The following CDH13 variants were observed in gnomAD, a reference collection of about 807,000 sequenced individuals.
CDH13 encodes cadherin-13.
CDH13 carries 24 observed loss-of-function variants against 63.8 expected under a neutral mutation model. The observed-to-expected ratio is 0.38, with a 90% CI of 0.27 to 0.53. The LOEUF (loss-of-function observed/expected upper bound fraction) is 0.53, where lower values mean the gene tolerates loss of function less well. CDH13 is among the 20% of genes least tolerant of loss of function. The probability of loss-of-function intolerance (pLI) is 0.85; values close to 1 mark genes in which losing one functional copy is unlikely to be tolerated. For missense variants in CDH13, 1,049 were observed against 903.1 expected (o/e 1.16, Z -2.07); for synonymous variants, 503 against 355.3 (o/e 1.42, Z -4.67).
chr16:82,821,085 T>C (rs725516), intron 1 of CDH13, among the ~76,000 whole-genome samples: 38,005 of 151,938 alleles, frequency 0.25, 6,094 homozygotes, highest in East Asian at 0.74. Flanking sequence ...TGGGCTCCTG[T>C]GGAAGCTTGC....
At chr16:83,103,708 C>G (rs1005041060) in intron 3 of CDH13, among the ~76,000 whole-genome samples, 5 of 152,162 alleles carry the variant, frequency 3.3e-5, no homozygotes, top group Admixed American at 2.6e-4. Flanking sequence ...TCCTGTGCCT[C>G]ACTTTCCTCA....
intron 1 of CDH13, among the ~76,000 whole-genome samples, chr16:82,847,568 G>C (rs2039313360): frequency 6.6e-6 from 1 of 152,080 alleles, no homozygotes; most frequent in Non-Finnish European, 1.5e-5. Context: ...TTGGGTTTAC[G>C]TGATTACATA....
intron 5 of CDH13, among the ~76,000 whole-genome samples, chr16:83,273,755 A>C (rs557087782): frequency 6.6e-6 from 1 of 152,210 alleles, no homozygotes; most frequent in Non-Finnish European, 1.5e-5. Context: ...GGGCATTTCA[A>C]TACTACATAG....
chr16:82,756,589 G>C (rs1597484648), intron 1 of CDH13, among the ~76,000 whole-genome samples: 1 of 152,268 alleles, frequency 6.6e-6, no homozygotes, highest in African/African-American at 2.4e-5. Context: ...ATTAAATGAG[G>C]CTATGCTTGT....
Position 83,154,530 on chromosome 16 carries a change from G to A in CDH13, c.483+29029G>A, listed in dbSNP as rs1364003516. ...TGCAGTGAGCCAAGATCGCACCACT[G>A]CACTCCAACCTGGCGACAGAGAGAC... On this transcript the variant is annotated intron_variant, in intron 4 of 13. Transcript: ENST00000567109. Among the ~76,000 whole-genome samples the A allele has an allele frequency of 2.0e-5, 3 of 149,598 alleles. No individual in the cohort carries two copies. In the Admixed American group the frequency reaches 2.0e-4, roughly 10 times the overall value.
At chr16:83,312,054 A>T (rs1365940899) in intron 5 of CDH13, among the ~76,000 whole-genome samples, 1 of 147,902 alleles carries the variant, frequency 6.8e-6, no homozygotes, top group Non-Finnish European at 1.5e-5. Flanking sequence ...CCTGGGCAAT[A>T]AAACTCCATC....
intron 4 of CDH13, among the ~76,000 whole-genome samples, chr16:83,132,094 T>A (rs1314846393): frequency 6.6e-6 from 1 of 152,184 alleles, no homozygotes; most frequent in Non-Finnish European, 1.5e-5. Flanking sequence ...AGGAGTCTGA[T>A]AGTCTTGGAA....
intron 2 of CDH13, among the ~76,000 whole-genome samples, chr16:82,885,406 C>A (rs939066042): frequency 1.3e-5 from 2 of 151,638 alleles, no homozygotes; most frequent in Non-Finnish European, 2.9e-5. Context: ...AGCTCTCCAT[C>A]CACCCACCCA....
chr16:83,777,146 C>T (rs538876368), intron 11 of CDH13, among the ~76,000 whole-genome samples: 1 of 152,310 alleles, frequency 6.6e-6, no homozygotes, highest in South Asian at 2.1e-4. Flanking sequence ...GGTCCGCCTG[C>T]CTGCAGGGTC....
Position 83,796,567 on chromosome 16 carries a change from A to G in CDH13, c.*1537A>G, listed in dbSNP as rs1463858826. 1 of 151,960 alleles carries G rather than the reference A, an allele frequency of 6.6e-6. No homozygotes were observed. The highest frequency in any genetic ancestry group is 6.5e-5 in the Admixed American group (1 of 15,272). 9.4% of individuals were successfully genotyped at this position (151,960 alleles called of 1,614,324 possible). ...ATAGAATGCAGAGATTTTTTTTTCC[A>G]TTAAAATAAATGGGTATTGGTGGTT... On this transcript the variant is annotated 3_prime_UTR_variant, in exon 14 of 14. Coordinates refer to ENST00000567109, the MANE Select transcript of CDH13 (RefSeq NM_001257.5).
intron 2 of CDH13, among the ~76,000 whole-genome samples, chr16:83,000,264 T>TTTTTTTA (rs1912748830): frequency 3.7e-5 from 4 of 107,194 alleles, no homozygotes; most frequent in Non-Finnish European, 7.5e-5. Flanking sequence ...TTTTTTTTTT[T>TTTTTTTA]GAGACAGAGT....
intron 2 of CDH13, among the ~76,000 whole-genome samples, chr16:83,023,506 C>G (rs1915533899): frequency 6.6e-6 from 1 of 152,270 alleles, no homozygotes; most frequent in South Asian, 2.1e-4. Context: ...TTTCCCCTTT[C>G]AGATAGAGGT....
At chr16:83,571,004 C>G (rs1022025604) in intron 7 of CDH13, among the ~76,000 whole-genome samples, 1 of 142,810 alleles carries the variant, frequency 7.0e-6, no homozygotes, top group African/African-American at 2.5e-5. Context: ...GGGCCAGCAC[C>G]TCCAGCTAAA....
chr16:83,438,495 G>C (rs1051132860), intron 6 of CDH13, among the ~76,000 whole-genome samples: 2 of 152,236 alleles, frequency 1.3e-5, no homozygotes, highest in African/African-American at 4.8e-5. Flanking sequence ...AACATTCTAA[G>C]TCGAGGTATG....
At chr16:83,671,696 C>A (rs990199365) in intron 9 of CDH13, among the ~76,000 whole-genome samples, 6 of 152,178 alleles carry the variant, frequency 3.9e-5, no homozygotes, top group Non-Finnish European at 8.8e-5. Context: ...TTAGTGAGCT[C>A]AATTATTCCT....
intron 5 of CDH13, among the ~76,000 whole-genome samples, chr16:83,333,335 G>A (rs1362083135): frequency 6.6e-6 from 1 of 152,112 alleles, no homozygotes; most frequent in African/African-American, 2.4e-5. Flanking sequence ...CTAGTATACT[G>A]CATCCACATT....
In CDH13 at chr16:82,639,418, G is replaced by A. The variant is rs979907299; in HGVS notation, c.45+12281G>A. The A allele has an allele frequency of 3.3e-6, 5 of 1,535,476 alleles. No individual in the cohort carries two copies. In the African/African-American group the frequency reaches 5.5e-5, roughly 17 times the overall value. On this transcript the variant is annotated intron_variant, in intron 1 of 13. Transcript: ENST00000567109. ...CCAGCAAGAACATCCCAGTGAGAATGGCCCACAGATGCCTGGGCGTGACCC... is the reference window on the plus strand; with the variant it reads ...CCAGCAAGAACATCCCAGTGAGAATAGCCCACAGATGCCTGGGCGTGACCC...
intron 1 of CDH13, among the ~76,000 whole-genome samples, chr16:82,752,365 C>T (rs4517792): frequency 0.02 from 3,104 of 152,212 alleles, 103 homozygotes; most frequent in African/African-American, 0.071. Flanking sequence ...CTTGGGTGCA[C>T]TGCCTTGTGC....
In CDH13 at chr16:83,635,332, C is replaced by CTTTTTTTTTTT. The variant is rs71148847; in HGVS notation, c.1101+32757_1101+32767dup. ...ACTTTAACTTTTGCCCATTTTCTTT[C>CTTTTTTTTTTT]TTTTTTTTTTTTTTTTTTTTTTTTT... On this transcript the variant is annotated intron_variant, in intron 8 of 13. Transcript: ENST00000567109. 4.1e-4 allele frequency among the ~76,000 whole-genome samples: 19 copies of CTTTTTTTTTTT among 46,730 alleles called. 3 individuals carry two copies. Among genetic ancestry groups the CTTTTTTTTTTT allele is most frequent in the African/African-American group, 1.6e-3 (16 of 10,112 alleles). 30.7% of individuals were successfully genotyped at this position (46,730 alleles called of 152,430 possible). A position where few individuals can be genotyped will look rare whatever the true frequency, so the allele number is the denominator to read the frequency against.
Sources: allele counts gnomAD v4.1 joint callset (sites outside exome capture counted in the v4.1 genomes callset), GRCh38; gene constraint gnomAD v4.1.1; transcripts MANE v1.5; gene names NCBI Gene and HGNC (gene_info 2026-07-23, HGNC 2026-07-21).